The following KIF13A variants were observed in gnomAD, a reference collection of about 807,000 sequenced individuals.
The protein encoded by KIF13A is kinesin-like protein KIF13A.
Under a neutral mutation model 212.2 loss-of-function variants are expected in KIF13A, and 79 were observed. That is an observed-to-expected ratio of 0.37 (90% CI 0.31 to 0.45). KIF13A has a LOEUF of 0.45. KIF13A is among the 20% of genes least tolerant of loss of function. KIF13A has a pLI of 1.00. For missense variants in KIF13A, 1,901 were observed against 2,209.0 expected, an observed-to-expected ratio of 0.86 and a Z score of 2.79; for synonymous variants, 789 against 808.6, an observed-to-expected ratio of 0.98 and a Z score of 0.41.
intron 2 of KIF13A, among the ~76,000 whole-genome samples, chr6:17,975,193 A>G (rs186611390): frequency 2.0e-5 from 3 of 152,302 alleles, no homozygotes; most frequent in African/African-American, 7.2e-5. Flanking sequence ...AAAATAAAAA[A>G]ATAAAAAAAA....
rs529070744 is a variant in KIF13A, at chr6:17,984,051, T to C, written c.146+3003A>G. Among the ~76,000 whole-genome samples the C allele has an allele frequency of 4.0e-4, 50 of 124,726 alleles. No homozygotes were observed. Among genetic ancestry groups the C allele is most frequent in the African/African-American group, 1.5e-3 (46 of 30,542 alleles). 81.8% of individuals were successfully genotyped at this position (124,726 alleles called of 152,430 possible). On this transcript the variant is annotated intron_variant, in intron 2 of 38. Transcript: ENST00000259711. The surrounding 1 kb of genome is among the most constrained non-coding windows in gnomAD (Gnocchi z 5.0). Reference sequence around the variant, plus strand: ...TTGCTAAGCCCTTGCTAAGTGCCAGTATGCAGGAGCATGAGGTACAAAGAG... The same window carrying C: ...TTGCTAAGCCCTTGCTAAGTGCCAGCATGCAGGAGCATGAGGTACAAAGAG...
At chr6:17,779,247 ATATATATATATTTTTTTTTTTTTTTTTTT>A (rs765250172) in intron 32 of KIF13A, 148 bp from the exon 33 acceptor site, 9,971 of 40,846 alleles carry the variant, frequency 0.24, 623 homozygotes, top group Non-Finnish European at 0.29. Context: ...ATATATATAT[ATATATATATATTTTTTTTTTTTTTTTTTT>A]TTTTTTTTTT....
intron 3 of KIF13A, among the ~76,000 whole-genome samples, chr6:17,874,992 C>CGCACAT (rs1562084379): frequency 1.1e-5 from 1 of 88,630 alleles, no homozygotes; most frequent in African/African-American, 4.8e-5. Flanking sequence ...CACACACACA[C>CGCACAT]GCACACGCAC....
At position 17,855,826 on chromosome 6, in the gene KIF13A, A is replaced by T. The variant is rs1369293192; in HGVS notation, c.313+204T>A. Among the ~76,000 whole-genome samples, 3 of 151,888 alleles carry T rather than the reference A, an allele frequency of 2.0e-5. No individual in the cohort carries two copies. The highest frequency in any genetic ancestry group is 4.4e-5 in the Non-Finnish European group (3 of 67,968). ...ACTCCTGGGCTCAAGCCATCCTCCC[A>T]CCTCAGTCTCCCAAGAAGCTGGGAC... On this transcript the variant is annotated intron_variant, in intron 5 of 38. Coordinates refer to ENST00000259711, the MANE Select transcript of KIF13A (RefSeq NM_022113.6). The surrounding 1 kb of genome is among the most constrained non-coding windows in gnomAD (Gnocchi z 4.1).
At chr6:17,775,236 T>C (rs1241493502) in intron 34 of KIF13A, among the ~76,000 whole-genome samples, 174 bp from the exon 35 acceptor site, 1 of 152,234 alleles carries the variant, frequency 6.6e-6, no homozygotes, top group Non-Finnish European at 1.5e-5. Flanking sequence ...ATCATTCCCA[T>C]ATAAGTTTTA....
rs999802092 is a variant in KIF13A at position 17,855,740 on chromosome 6, C to T, written c.314-123G>A. The T allele has an allele frequency of 5.2e-6, 4 of 768,434 alleles. No homozygotes were observed. In the African/African-American group the frequency reaches 7.1e-5, roughly 14 times the overall value. 47.6% of individuals were successfully genotyped at this position (768,434 alleles called of 1,614,324 possible). A position where few individuals can be genotyped will look rare whatever the true frequency, so the allele number is the denominator to read the frequency against. On this transcript the variant is annotated intron_variant, in intron 5 of 38. Transcript: ENST00000259711. This position sits in a 1 kb window ranked among gnomAD's most constrained non-coding sequence, Gnocchi z 4.1. ...ATAGCAGAAGAGTGGCCAACTTAGC[C>T]TCAAACCCTGTTGCTCAGGCTGGAG...
rs1765283643 is a variant in KIF13A, at chr6:17,829,812, C to T, written c.1401+1289G>A. ...GGCTATTTGTACCAAATTTACACCT[C>T]TAGGAAAAGTAGAAGGTGAGGCTCC... is the stretch of plus-strand genomic sequence containing the variant. On this transcript the variant is annotated intron_variant, in intron 13 of 38. Coordinates refer to ENST00000259711, the MANE Select transcript of KIF13A (RefSeq NM_022113.6). This position sits in a 1 kb window ranked among gnomAD's most constrained non-coding sequence, Gnocchi z 5.4. 1.3e-5 allele frequency among the ~76,000 whole-genome samples: 2 copies of T among 152,062 alleles called. No individual in the cohort carries two copies. The highest frequency in any genetic ancestry group is 4.1e-4 in the South Asian group (2 of 4,830).
chr6:17,845,917 G>T (rs1286301067), intron 9 of KIF13A, among the ~76,000 whole-genome samples: 4 of 152,106 alleles, frequency 2.6e-5, no homozygotes, highest in Non-Finnish European at 4.4e-5. Context: ...ACTGACGTTT[G>T]TGTGAAGTCC....
Position 17,829,485 on chromosome 6 carries a change from A to G in KIF13A, c.1402-1115T>C, listed in dbSNP as rs560036981. Reference sequence around the variant, plus strand: ...TACACTGCAAAGTGAGAAATAGGACATCTGATTGACACTGATAGCGTCCAA... The same window carrying G: ...TACACTGCAAAGTGAGAAATAGGACGTCTGATTGACACTGATAGCGTCCAA... On this transcript the variant is annotated intron_variant, in intron 13 of 38. Coordinates refer to ENST00000259711, the MANE Select transcript of KIF13A (RefSeq NM_022113.6). The surrounding 1 kb of genome is among the most constrained non-coding windows in gnomAD (Gnocchi z 5.4). Among the ~76,000 whole-genome samples, 35 of 152,320 alleles carry G rather than the reference A, an allele frequency of 2.3e-4. 1 individual carries two copies. The highest frequency in any genetic ancestry group is 8.2e-4 in the African/African-American group (34 of 41,580).
intron 2 of KIF13A, among the ~76,000 whole-genome samples, chr6:17,936,946 G>A (rs1776522376): frequency 6.6e-6 from 1 of 152,232 alleles, no homozygotes; most frequent in Non-Finnish European, 1.5e-5. Context: ...GGGAGGCCAA[G>A]GTGGGCAGAT....
chr6:17,960,921 C>T (rs549088121), intron 2 of KIF13A, among the ~76,000 whole-genome samples: 9 of 152,166 alleles, frequency 5.9e-5, no homozygotes, highest in Middle Eastern at 3.4e-3. Flanking sequence ...AATTGAGTAC[C>T]GAACACTGCA....
chr6:17,793,984 T>C (rs1181808903), intron 25 of KIF13A, among the ~76,000 whole-genome samples: 1 of 151,924 alleles, frequency 6.6e-6, no homozygotes, highest in Non-Finnish European at 1.5e-5. Flanking sequence ...AGATACAACA[T>C]ATTTTGGGCC....
At chr6:17,874,999 G>GCACACACACACACA (rs1554188630) in intron 3 of KIF13A, among the ~76,000 whole-genome samples, 108 of 120,330 alleles carry the variant, frequency 9.0e-4, no homozygotes, top group Middle Eastern at 8.3e-3. Context: ...ACACGCACAC[G>GCACACACACACACA]CACGCACACA....
chr6:17,949,232 T>A (rs1777666810), intron 2 of KIF13A, among the ~76,000 whole-genome samples: 1 of 152,138 alleles, frequency 6.6e-6, no homozygotes, highest in African/African-American at 2.4e-5. Context: ...AATAAATCTT[T>A]TAGGAAAAAG....
At chr6:17,840,201 CTT>C (rs894639270) in intron 9 of KIF13A, among the ~76,000 whole-genome samples, 4 of 152,038 alleles carry the variant, frequency 2.6e-5, no homozygotes, top group African/African-American at 9.7e-5. Flanking sequence ...GAATTGAACA[CTT>C]TACAATGGTG....
rs1774881153 is a variant in KIF13A at position 17,919,744 on chromosome 6, T to A, written c.147-21564A>T. On this transcript the variant is annotated intron_variant, in intron 2 of 38. Transcript: ENST00000259711. This position sits in a 1 kb window ranked among gnomAD's most constrained non-coding sequence, Gnocchi z 4.1. ...CGAACGGTGTCTCCTGGCAGCCCAA[T>A]ACTGTGACAAGAGGTGAAAGCTGAG... is the stretch of plus-strand genomic sequence containing the variant. Among the ~76,000 whole-genome samples, 1 of 152,268 alleles carries A rather than the reference T, an allele frequency of 6.6e-6. No individual in the cohort carries two copies. The highest frequency in any genetic ancestry group is 2.4e-5 in the African/African-American group (1 of 41,564).
In KIF13A at chr6:17,923,994, A is replaced by G. The variant is rs186801499; in HGVS notation, c.147-25814T>C. Among the ~76,000 whole-genome samples, 4 of 152,164 alleles carry G rather than the reference A, an allele frequency of 2.6e-5. No homozygotes were observed. The East Asian group carries it at 7.7e-4, about 29-fold the overall frequency. ...CAGCACCCACTTCAATATCCGACAC[A>G]TGGAAGAGCTAAAAAATCTTTTACT... On this transcript the variant is annotated intron_variant, in intron 2 of 38. Coordinates refer to ENST00000259711, the MANE Select transcript of KIF13A (RefSeq NM_022113.6).
At chr6:17,781,147 C>G in intron 30 of KIF13A, 30 bp downstream of exon 30, 1 of 1,613,452 alleles carries the variant, frequency 6.2e-7, no homozygotes, top group South Asian at 1.1e-5. Flanking sequence ...TAATCTGAAG[C>G]CTTTTAAGAG....
intron 2 of KIF13A, among the ~76,000 whole-genome samples, chr6:17,901,100 A>T (rs1379225382): frequency 6.6e-6 from 1 of 151,446 alleles, no homozygotes; most frequent in Non-Finnish European, 1.5e-5. Flanking sequence ...AAAAAAAAAA[A>T]AAAAGGTCCA....
Sources: allele counts gnomAD v4.1 joint callset (sites outside exome capture counted in the v4.1 genomes callset), GRCh38; gene constraint gnomAD v4.1.1; non-coding constraint Gnocchi (gnomAD v3.1); transcripts MANE v1.5; gene names NCBI Gene and HGNC (gene_info 2026-07-23, HGNC 2026-07-21).